Variants in RAD50 observed in about 807,000 individuals in gnomAD.
RAD50 encodes the protein RAD50 double strand break repair protein, also known as DNA repair protein RAD50.
RAD50 carries 132 observed loss-of-function variants against 168.8 expected under a neutral mutation model. The observed-to-expected ratio is 0.78, with a 90% CI of 0.68 to 0.90. RAD50 has a LOEUF of 0.90. RAD50 is among the 40% of genes least tolerant of loss of function. The pLI is 0.00. For synonymous variants in RAD50, 525 were observed against 497.4 expected (o/e 1.06, Z -0.74); for missense variants, 1,347 against 1,534.4 (o/e 0.88, Z 2.04).
At chr5:132,611,112 C>T (rs1751077079) in intron 19 of RAD50, among the ~76,000 whole-genome samples, 1 of 152,176 alleles carries the variant, frequency 6.6e-6, no homozygotes, top group African/African-American at 2.4e-5. Context: ...GAGAGGAGGC[C>T]AGGCGCAGTG....
chr5:132,606,056 C>T (rs1224774725), intron 16 of RAD50, among the ~76,000 whole-genome samples: 2 of 151,956 alleles, frequency 1.3e-5, no homozygotes, highest in Non-Finnish European at 2.9e-5. Context: ...ACCTTAACAT[C>T]AAAATTAAAA....
At chr5:132,627,394 AAATT>A (rs928617788) in intron 21 of RAD50, among the ~76,000 whole-genome samples, 8 of 152,242 alleles carry the variant, frequency 5.3e-5, no homozygotes, top group African/African-American at 1.4e-4. Context: ...TGAAGAAACA[AAATT>A]AAGAAATAAA....
At chr5:132,560,381 T>G (rs1484456939) in intron 2 of RAD50, among the ~76,000 whole-genome samples, 5 of 152,208 alleles carry the variant, frequency 3.3e-5, no homozygotes, top group Non-Finnish European at 7.3e-5. Context: ...TAAAGATAAC[T>G]CTGTAATTAT....
intron 21 of RAD50, among the ~76,000 whole-genome samples, chr5:132,619,850 A>C (rs1751250905): frequency 8.2e-6 from 1 of 121,840 alleles, no homozygotes; most frequent in Non-Finnish European, 1.7e-5. Flanking sequence ...ATATATATAT[A>C]TAAAGATATA....
At chr5:132,565,359 A>G (rs1002769402) in intron 2 of RAD50, among the ~76,000 whole-genome samples, 2 of 151,706 alleles carry the variant, frequency 1.3e-5, no homozygotes, top group African/African-American at 2.4e-5. Flanking sequence ...GACTTAATCA[A>G]TCCTCCTGTA....
chr5:132,619,810 CTACTCCTCTCTCTCTCTCTCTCTCTCTA>C (rs1751243962), intron 21 of RAD50, among the ~76,000 whole-genome samples: 1 of 137,182 alleles, frequency 7.3e-6, no homozygotes, highest in South Asian at 2.2e-4. Context: ...CTCTCTCTCT[CTACTCCTCTCTCTCTCTCTCTCTCTCTA>C]TATATATATA....
chr5:132,557,626 C>CT (rs1349141634), intron 1 of RAD50, among the ~76,000 whole-genome samples, 173 bp downstream of exon 1: 1 of 152,200 alleles, frequency 6.6e-6, no homozygotes, highest in East Asian at 1.9e-4. Flanking sequence ...AGGAGTTTGC[C>CT]TGAAGCAGTC....
rs562581042 is a variant in RAD50 at position 132,587,274 on chromosome 5, A to G, written c.757-288A>G. ...AAGGATTAAGTAACTCTAAATGCCC[A>G]ATGAATGAATAATGACTTTTGTGGC... On this transcript the variant is annotated intron_variant, in intron 5 of 24. Transcript: ENST00000378823. Among the ~76,000 whole-genome samples, 280 of 152,328 alleles carry G rather than the reference A, an allele frequency of 1.8e-3. 1 individual carries two copies. The highest frequency in any genetic ancestry group is 6.2e-3 in the African/African-American group (258 of 41,566).
intron 23 of RAD50, among the ~76,000 whole-genome samples, chr5:132,639,702 G>A (rs764714695): frequency 5.9e-5 from 9 of 152,188 alleles, no homozygotes; most frequent in Non-Finnish European, 1.3e-4. Context: ...TGGGCCTCCA[G>A]CCTACCTAAC....
At chr5:132,589,487 G>T (rs541083130) in intron 8 of RAD50, 144 bp from the exon 9 acceptor site, 19 of 630,710 alleles carry the variant, frequency 3.0e-5, no homozygotes, top group Middle Eastern at 4.5e-4. Context: ...GCCTAATGAT[G>T]CATTTCTTGG....
chr5:132,598,051 CTTT>C (rs11414936), intron 13 of RAD50, among the ~76,000 whole-genome samples: 2 of 142,666 alleles, frequency 1.4e-5, no homozygotes, highest in Non-Finnish European at 1.5e-5. Flanking sequence ...ATCACGGCTC[CTTT>C]TTTTTTTTTT....
intron 5 of RAD50, 53 bp downstream of exon 5, chr5:132,580,119 A>G: frequency 1.4e-6 from 2 of 1,438,408 alleles, no homozygotes; most frequent in Non-Finnish European, 2.0e-6. Context: ...TATGGTATAC[A>G]GCATGATGTT....
intron 21 of RAD50, among the ~76,000 whole-genome samples, chr5:132,634,324 C>T (rs1215720878): frequency 1.3e-5 from 2 of 151,814 alleles, no homozygotes; most frequent in Non-Finnish European, 2.9e-5. Flanking sequence ...GGGTTTTTAT[C>T]GCCACTGTGA....
chr5:132,636,060 A>G lies in RAD50; in HGVS notation c.3390-1055A>G, dbSNP rs567406263. ...CACGAAATGATTCTACAGAGGCAGTAGCATTATATTCAGTTTCTTTTTTTG... is the reference window on the plus strand; with the variant it reads ...CACGAAATGATTCTACAGAGGCAGTGGCATTATATTCAGTTTCTTTTTTTG... On this transcript the variant is annotated intron_variant, in intron 21 of 24. Coordinates refer to ENST00000378823, the MANE Select transcript of RAD50 (RefSeq NM_005732.4). Among the ~76,000 whole-genome samples, 7 of 152,344 alleles carry G rather than the reference A, an allele frequency of 4.6e-5. No individual in the cohort carries two copies. The South Asian group carries it at 1.5e-3, about 32-fold the overall frequency.
In RAD50 at chr5:132,607,461, A is replaced by G. The variant is rs192798006; in HGVS notation, c.2719-1154A>G. On this transcript the variant is annotated intron_variant, in intron 16 of 24. Coordinates refer to ENST00000378823, the MANE Select transcript of RAD50 (RefSeq NM_005732.4). ...AACCAGTTATAAACAGTTATAAACA[A>G]TCTTACCTAGGTTTATATAATTATG... Among the ~76,000 whole-genome samples the G allele has an allele frequency of 1.7e-3, 263 of 152,328 alleles. 2 individuals carry two copies. Among genetic ancestry groups the G allele is most frequent in the African/African-American group, 6.2e-3 (257 of 41,582 alleles).
chr5:132,633,568 C>CTTTTGTT (rs897395448), intron 21 of RAD50, among the ~76,000 whole-genome samples: 6 of 151,000 alleles, frequency 4.0e-5, no homozygotes, highest in Non-Finnish European at 5.9e-5. Flanking sequence ...TTTACCTTAG[C>CTTTTGTT]TTTTGTTTTT....
At chr5:132,571,534 A>G (rs1750307279) in intron 2 of RAD50, among the ~76,000 whole-genome samples, 1 of 152,212 alleles carries the variant, frequency 6.6e-6, no homozygotes, top group Admixed American at 6.5e-5. Flanking sequence ...TCTAGGCAAC[A>G]TGGTGAAACC....
chr5:132,600,830 G>A (rs889702783), intron 13 of RAD50, among the ~76,000 whole-genome samples: 1 of 152,076 alleles, frequency 6.6e-6, no homozygotes, highest in African/African-American at 2.4e-5. Context: ...AAAATGATAG[G>A]CAGGCAAGGT....
chr5:132,617,111 GA>G (rs1751189987), intron 20 of RAD50, among the ~76,000 whole-genome samples: 1 of 152,128 alleles, frequency 6.6e-6, no homozygotes, highest in Non-Finnish European at 1.5e-5. Context: ...TGAAAGCCAA[GA>G]ATGTGACCCT....
Sources: allele counts gnomAD v4.1 joint callset (sites outside exome capture counted in the v4.1 genomes callset), GRCh38; gene constraint gnomAD v4.1.1; transcripts MANE v1.5; gene names NCBI Gene and HGNC (gene_info 2026-07-23, HGNC 2026-07-21).